CSMD3: variants seen among roughly 807,000 people sequenced by gnomAD.
CSMD3 encodes CUB and Sushi multiple domains 3, also known as CUB and sushi domain-containing protein 3.
A neutral mutation model predicts 435.2 loss-of-function variants in CSMD3; 177 were observed. The observed-to-expected ratio is 0.41, with a 90% CI of 0.36 to 0.46. CSMD3 has a LOEUF of 0.46. CSMD3 is among the 20% of genes least tolerant of loss of function. CSMD3 has a pLI of 0.34. For synonymous variants in CSMD3, 1,656 were observed against 1,520.5 expected (o/e 1.09, Z -2.07); for missense variants, 4,265 against 4,504.6 (o/e 0.95, Z 1.52).
At chr8:112,976,182 T>A in intron 6 of CSMD3, 34 bp from the exon 7 acceptor site, 1 of 1,609,898 alleles carries the variant, frequency 6.2e-7, no homozygotes. Context: ...TGCTAACTTT[T>A]TCTTTTTAAA....
chr8:113,278,649 G>A lies in CSMD3; in HGVS notation c.457C>T (p.Leu153=). The change falls in exon 3 of 71, where the codon CTA becomes TTA. Residue 153 remains leucine (L), a synonymous_variant. Coordinates refer to ENST00000297405, the MANE Select transcript of CSMD3 (RefSeq NM_198123.2). ...PVTSTKSVFS[L]RLTSDFAVSA... The stretch of plus-strand genomic sequence containing the variant: ...ACTGCAAAATCACTGGTCAAACGTA[G>A]TGAGAACACAGATTTGGTACTTGTC... 6.2e-7 allele frequency: 1 copy of A among 1,605,008 alleles called. No individual in the cohort carries two copies. The highest frequency in any genetic ancestry group is 8.5e-7 in the Non-Finnish European group (1 of 1,172,124).
intron 1 of CSMD3, among the ~76,000 whole-genome samples, chr8:113,330,779 T>C (rs1399419492): frequency 6.6e-6 from 1 of 151,708 alleles, no homozygotes; most frequent in Non-Finnish European, 1.5e-5. Flanking sequence ...TCAAAATACA[T>C]GGAAAAAATG....
chr8:113,230,243 A>G (rs1015584310), intron 3 of CSMD3, among the ~76,000 whole-genome samples: 3 of 151,698 alleles, frequency 2.0e-5, no homozygotes, highest in African/African-American at 7.2e-5. Context: ...GATAGACAAC[A>G]TAACATCTGT....
At chr8:113,422,791 C>T (rs1267552296) in intron 1 of CSMD3, among the ~76,000 whole-genome samples, 1 of 151,978 alleles carries the variant, frequency 6.6e-6, no homozygotes, top group African/African-American at 2.4e-5. Context: ...ATTTTTTCAC[C>T]TTAAATTGAG....
chr8:112,859,054 A>G, intron 11 of CSMD3, 91 bp downstream of exon 11: 1 of 1,244,372 alleles, frequency 8.0e-7, no homozygotes, highest in East Asian at 2.4e-5. Context: ...TTGAGTTATA[A>G]ATTTTCCATA....
intron 4 of CSMD3, among the ~76,000 whole-genome samples, chr8:113,159,722 A>G (rs930811108): frequency 1.3e-5 from 2 of 152,164 alleles, no homozygotes; most frequent in Admixed American, 6.6e-5. Context: ...ATCCATTATA[A>G]TATCTATAGG....
chr8:112,374,433 A>G (rs191457301), intron 38 of CSMD3, among the ~76,000 whole-genome samples: 1 of 152,270 alleles, frequency 6.6e-6, no homozygotes, highest in Non-Finnish European at 1.5e-5. Context: ...TTTGTTTAAA[A>G]ATAGCACCTG....
At chr8:112,278,302 G>A (rs2130549542) in intron 59 of CSMD3, among the ~76,000 whole-genome samples, 1 of 152,264 alleles carries the variant, frequency 6.6e-6, no homozygotes, top group East Asian at 1.9e-4. Flanking sequence ...CTTACACTTT[G>A]AGATGTGCTG....
At chr8:112,525,766 A>AT (rs1397589180) in intron 27 of CSMD3, among the ~76,000 whole-genome samples, 2 of 141,832 alleles carry the variant, frequency 1.4e-5, no homozygotes, top group African/African-American at 5.2e-5. Flanking sequence ...ATATATATAT[A>AT]TATATTTATA....
At chr8:112,361,251 T>C (rs542101164) in intron 38 of CSMD3, among the ~76,000 whole-genome samples, 75 of 151,668 alleles carry the variant, frequency 4.9e-4, no homozygotes, top group Non-Finnish European at 8.9e-4. Context: ...TTTAATGGGA[T>C]TGGATCAATT....
At chr8:112,657,976 T>C (rs987320294) in intron 17 of CSMD3, among the ~76,000 whole-genome samples, 1 of 152,238 alleles carries the variant, frequency 6.6e-6, no homozygotes, top group South Asian at 2.1e-4. Flanking sequence ...TTGCATATAG[T>C]AGACACTCAA....
chr8:112,551,379 C>T (rs1467694908), intron 26 of CSMD3, among the ~76,000 whole-genome samples: 4 of 151,986 alleles, frequency 2.6e-5, no homozygotes, highest in African/African-American at 4.8e-5. Context: ...CATGCTTTTG[C>T]CACGTTTCAT....
At chr8:112,240,586 C>T (rs1814025136) in intron 66 of CSMD3, among the ~76,000 whole-genome samples, 1 of 151,930 alleles carries the variant, frequency 6.6e-6, no homozygotes, top group African/African-American at 2.4e-5. Flanking sequence ...AGTTCTTGGC[C>T]CAATACAACT....
chr8:113,002,330 T>G (rs565166064), intron 6 of CSMD3, among the ~76,000 whole-genome samples: 1 of 152,246 alleles, frequency 6.6e-6, no homozygotes, highest in East Asian at 1.9e-4. Context: ...GAAATTTTAT[T>G]TAAATTATTT....
chr8:113,356,133 A>T (rs1040549931), intron 1 of CSMD3, among the ~76,000 whole-genome samples: 7 of 152,144 alleles, frequency 4.6e-5, no homozygotes, highest in Non-Finnish European at 7.4e-5. Context: ...ATTCATGCAT[A>T]TACCACTTAA....
Position 112,532,183 on chromosome 8 carries a change from A to G in CSMD3, c.4565-14958T>C, listed in dbSNP as rs1056368396. 5.9e-5 allele frequency among the ~76,000 whole-genome samples: 9 copies of G among 152,150 alleles called. No homozygotes were observed. The East Asian group carries it at 1.7e-3, about 29-fold the overall frequency. ...ATAGGTTATTTGAAAATACACAGTC[A>G]AAGGATTAAGAAGAATAAAGAAGGC... On this transcript the variant is annotated intron_variant, in intron 27 of 70. Transcript: ENST00000297405.
At chr8:113,063,907 TTAAG>T (rs1323466097) in intron 5 of CSMD3, among the ~76,000 whole-genome samples, 4 of 151,578 alleles carry the variant, frequency 2.6e-5, no homozygotes, top group African/African-American at 7.3e-5. Flanking sequence ...TACAGTATTA[TTAAG>T]TTTTATAATA....
chr8:113,121,897 G>A (rs968663853), intron 4 of CSMD3, among the ~76,000 whole-genome samples: 5 of 151,944 alleles, frequency 3.3e-5, no homozygotes, highest in African/African-American at 4.8e-5. Context: ...ATCTGAATCT[G>A]GATTATTTGA....
At chr8:112,417,762 G>C (rs755668500) in intron 32 of CSMD3, among the ~76,000 whole-genome samples, 27 of 152,260 alleles carry the variant, frequency 1.8e-4, no homozygotes, top group Admixed American at 2.6e-4. Context: ...GGAGCAAGGT[G>C]AGAGTGCATT....
Sources: allele counts gnomAD v4.1 joint callset (sites outside exome capture counted in the v4.1 genomes callset), GRCh38; gene constraint gnomAD v4.1.1; transcripts MANE v1.5; gene names NCBI Gene and HGNC (gene_info 2026-07-23, HGNC 2026-07-21).